The following ACSS2 variants were observed in gnomAD, a reference collection of about 807,000 sequenced individuals.
ACSS2 encodes the protein acetyl-coenzyme A synthetase, cytoplasmic.
In ACSS2, 58 loss-of-function variants were observed where a neutral mutation model predicts 90.6. The ratio of observed to expected loss-of-function variants is 0.64; its 90% CI spans 0.52 to 0.80. ACSS2 has a LOEUF of 0.80. Among genes scored for constraint, ACSS2 ranks in the 30% least tolerant of loss-of-function variants. The pLI, the probability that ACSS2 is intolerant of heterozygous loss-of-function variation, is 0.00. For synonymous variants in ACSS2, 300 were observed against 330.9 expected (o/e 0.91, Z 1.01); for missense variants, 759 against 912.0 (o/e 0.83, Z 2.16).
chr20:34,879,089 A>G (rs1490617443), intron 1 of ACSS2, among the ~76,000 whole-genome samples: 3 of 151,610 alleles, frequency 2.0e-5, no homozygotes, highest in Non-Finnish European at 2.9e-5. Context: ...TATTTTTAGT[A>G]GAGACGGGCT....
intron 1 of ACSS2, among the ~76,000 whole-genome samples, chr20:34,879,462 A>G (rs2080015420): frequency 6.6e-6 from 1 of 151,540 alleles, no homozygotes; most frequent in African/African-American, 2.4e-5. Context: ...GAATATCTTT[A>G]GTACTTAGAA....
At chr20:34,878,999 G>A (rs2079997257) in intron 1 of ACSS2, among the ~76,000 whole-genome samples, 1 of 150,160 alleles carries the variant, frequency 6.7e-6, no homozygotes, top group Admixed American at 6.7e-5. Flanking sequence ...CCGCCTCCCG[G>A]GTTCACGCCA....
intron 2 of ACSS2, among the ~76,000 whole-genome samples, chr20:34,886,543 G>A (rs2080196968): frequency 6.6e-6 from 1 of 152,138 alleles, no homozygotes; most frequent in African/African-American, 2.4e-5. Context: ...AGAATCGCGT[G>A]AACCTGGGAG....
chr20:34,925,522 A>G (rs186052100), intron 14 of ACSS2, among the ~76,000 whole-genome samples, 176 bp from the exon 15 acceptor site: 1 of 152,168 alleles, frequency 6.6e-6, no homozygotes, highest in African/African-American at 2.4e-5. Context: ...CAGGGCTATG[A>G]ATACCAAGAG....
intron 8 of ACSS2, among the ~76,000 whole-genome samples, chr20:34,920,013 T>G (rs963784842): frequency 1.3e-5 from 2 of 152,206 alleles, no homozygotes; most frequent in African/African-American, 2.4e-5. Flanking sequence ...AAACTGTTTC[T>G]TCCATTGACT....
At chr20:34,922,642 C>T (rs1000817899) in intron 13 of ACSS2, among the ~76,000 whole-genome samples, 1 of 152,168 alleles carries the variant, frequency 6.6e-6, no homozygotes, top group Non-Finnish European at 1.5e-5. Context: ...TGGTTGCTTG[C>T]TTGATTGAGT....
intron 7 of ACSS2, 52 bp downstream of exon 7, chr20:34,914,489 C>T (rs767873334): frequency 4.7e-6 from 7 of 1,493,644 alleles, no homozygotes; most frequent in South Asian, 1.3e-5. Context: ...CTTCACTTTT[C>T]CTGCCTAGAA....
At chr20:34,903,601 C>T (rs2080723784) in intron 2 of ACSS2, among the ~76,000 whole-genome samples, 1 of 152,120 alleles carries the variant, frequency 6.6e-6, no homozygotes, top group African/African-American at 2.4e-5. Flanking sequence ...CTCTTCTCAC[C>T]TGGGTGTTTC....
chr20:34,923,573 A>C, intron 14 of ACSS2, 142 bp downstream of exon 14: 1 of 680,430 alleles, frequency 1.5e-6, no homozygotes, highest in Non-Finnish European at 2.6e-6. Flanking sequence ...ATTTTGGATC[A>C]TCATTCTTCA....
At chr20:34,883,126 T>A (rs564612824) in intron 2 of ACSS2, 137 bp downstream of exon 2, 1 of 623,508 alleles carries the variant, frequency 1.6e-6, no homozygotes, top group South Asian at 2.2e-5. Context: ...CTACATGACT[T>A]CCTTCAGATC....
chr20:34,879,115 A>G (rs928720899), intron 1 of ACSS2, among the ~76,000 whole-genome samples: 4 of 151,992 alleles, frequency 2.6e-5, no homozygotes, highest in Admixed American at 2.6e-4. Flanking sequence ...CGTGTTAGCC[A>G]GGATGGTCTC....
At chr20:34,909,278 G>A (rs1327545962) in intron 2 of ACSS2, among the ~76,000 whole-genome samples, 3 of 151,978 alleles carry the variant, frequency 2.0e-5, no homozygotes, top group African/African-American at 4.8e-5. Context: ...AGAGGTGGGA[G>A]GATCACTTGA....
chr20:34,917,716 A>G (rs577472439), intron 7 of ACSS2, among the ~76,000 whole-genome samples: 8 of 151,684 alleles, frequency 5.3e-5, no homozygotes, highest in Middle Eastern at 3.4e-3. Flanking sequence ...CTATCATCAC[A>G]CTCTTAAGTT....
chr20:34,923,466 C>T (rs1345891364), intron 14 of ACSS2, 35 bp downstream of exon 14: 1 of 1,465,016 alleles, frequency 6.8e-7, no homozygotes, highest in Non-Finnish European at 9.6e-7. Context: ...GCACCTCCCA[C>T]TAAGACATGT....
At chr20:34,912,808 T>C (rs2080991468) in intron 2 of ACSS2, among the ~76,000 whole-genome samples, 1 of 152,300 alleles carries the variant, frequency 6.6e-6, no homozygotes, top group South Asian at 2.1e-4. Flanking sequence ...CTTAATACAT[T>C]ACTAGGATGG....
At chr20:34,877,818 C>CAA (rs60819156) in intron 1 of ACSS2, among the ~76,000 whole-genome samples, 1,649 of 91,000 alleles carry the variant, frequency 0.018, 40 homozygotes, top group Non-Finnish European at 0.028. Flanking sequence ...GACTTTGTCT[C>CAA]AAAAAAAAAA....
intron 13 of ACSS2, chr20:34,922,076 G>A (rs77595400): frequency 0.045 from 54,828 of 1,218,308 alleles, 1,421 homozygotes; most frequent in Non-Finnish European, 0.052. Flanking sequence ...TCCTAAGGGC[G>A]TTTTAAGAGT....
At chr20:34,919,409 C>T (rs1353320984) in intron 7 of ACSS2, 26 bp from the exon 8 acceptor site, 3 of 1,613,328 alleles carry the variant, frequency 1.9e-6, no homozygotes, top group East Asian at 2.2e-5. Flanking sequence ...GAGCTGTTCA[C>T]AGTTCTTCCC....
At chr20:34,917,064 C>T (rs186698536) in intron 7 of ACSS2, among the ~76,000 whole-genome samples, 75 of 152,276 alleles carry the variant, frequency 4.9e-4, no homozygotes, top group Admixed American at 2.7e-3. Context: ...TACTCTGACC[C>T]CTCCACCTCT....
Sources: allele counts gnomAD v4.1 joint callset (sites outside exome capture counted in the v4.1 genomes callset), GRCh38; gene constraint gnomAD v4.1.1; transcripts MANE v1.5; gene names NCBI Gene and HGNC (gene_info 2026-07-23, HGNC 2026-07-21).